The following FNIP2 variants were observed in gnomAD, a reference collection of about 807,000 sequenced individuals.
The protein encoded by FNIP2 is folliculin interacting protein 2.
FNIP2 carries 32 observed loss-of-function variants against 108.7 expected under a neutral mutation model. The ratio of observed to expected loss-of-function variants is 0.29; its 90% CI spans 0.22 to 0.40. The LOEUF (loss-of-function observed/expected upper bound fraction) is 0.40. Ranked by LOEUF, FNIP2 falls within the 10% of genes least tolerant of loss-of-function variation. FNIP2 has a pLI of 1.00. For missense variants in FNIP2, 1,202 were observed against 1,381.6 expected (o/e 0.87, Z 2.06); for synonymous variants, 480 against 496.7 (o/e 0.97, Z 0.45).
At chr4:158,895,702 C>T (rs1377939075) in intron 15 of FNIP2, 48 bp from the exon 16 acceptor site, 2 of 1,156,492 alleles carry the variant, frequency 1.7e-6, no homozygotes, top group Admixed American at 1.9e-5. Context: ...AAAATATTGG[C>T]AGAGATTTGA....
chr4:158,798,998 A>C (rs1330103904), intron 1 of FNIP2, among the ~76,000 whole-genome samples: 1 of 152,266 alleles, frequency 6.6e-6, no homozygotes, highest in Non-Finnish European at 1.5e-5. Context: ...TCACAAAAAC[A>C]TTCCTTTCCA....
intron 12 of FNIP2, among the ~76,000 whole-genome samples, chr4:158,866,499 T>C (rs1578939779): frequency 2.6e-5 from 4 of 151,802 alleles, no homozygotes. Flanking sequence ...ATTACAGGTG[T>C]GAGCCACCGT....
At chr4:158,795,130 A>G (rs1464499276) in intron 1 of FNIP2, among the ~76,000 whole-genome samples, 1 of 152,258 alleles carries the variant, frequency 6.6e-6, no homozygotes, top group Non-Finnish European at 1.5e-5. Context: ...AAATGCAGTC[A>G]TATTTTTAAA....
intron 1 of FNIP2, among the ~76,000 whole-genome samples, chr4:158,809,378 G>C (rs1777146671): frequency 1.3e-5 from 2 of 152,224 alleles, no homozygotes; most frequent in South Asian, 4.1e-4. Context: ...ATAATCACTT[G>C]AACCTGGGAT....
rs757570090 is a variant in FNIP2, at chr4:158,904,500, A to G, written c.3301A>G (p.Ile1101Val). 31 of 1,613,246 alleles carry G rather than the reference A, an allele frequency of 1.9e-5. 2 individuals are homozygous for G. In the South Asian group the frequency reaches 2.5e-4, roughly 13 times the overall value. ...ESNDLPLLTA[I>V]ASTHSPYVAQ... Reference sequence around the variant, plus strand: ...CAACGACCTGCCTCTGTTGACTGCTATTGCCAGTACTCATTCTCCTTATGT... The same window carrying G: ...CAACGACCTGCCTCTGTTGACTGCTGTTGCCAGTACTCATTCTCCTTATGT... Residue 1101 changes from isoleucine (I) to valine (V), a missense_variant, in exon 17 of 17, where the codon ATT (isoleucine) becomes GTT (valine). Around this residue, in one of 5 missense-constraint regions of FNIP2, gnomAD observed 142 missense variants for 183.8 expected, o/e 0.77. Transcript: ENST00000264433.
In FNIP2 at chr4:158,861,706, G is replaced by A. The variant is rs1249780653; in HGVS notation, c.1395G>A (p.Glu465=). 6.2e-7 allele frequency: 1 copy of A among 1,613,906 alleles called. No individual in the cohort carries two copies. Among genetic ancestry groups the A allele is most frequent in the East Asian group, 2.2e-5 (1 of 44,902 alleles). ...ACCCTCCCATCAAAGCCTTCTCAGA[G>A]AAACGTACCTCCCAGTCAGTGAACA... ...VDHPPIKAFS[E]KRTSQSVNML... Residue 465 remains glutamate, a synonymous_variant, in exon 12 of 17, where the codon GAG becomes GAA. Coordinates refer to ENST00000264433, the MANE Select transcript of FNIP2 (RefSeq NM_020840.3).
intron 1 of FNIP2, among the ~76,000 whole-genome samples, chr4:158,784,349 C>G (rs1051230192): frequency 6.6e-6 from 1 of 152,176 alleles, no homozygotes. Context: ...GCATGCTGCT[C>G]CCTTTAAACC....
chr4:158,875,539 T>TATATATATATATATATATATATATATGC, intron 14 of FNIP2, among the ~76,000 whole-genome samples: 1 of 144,196 alleles, frequency 6.9e-6, no homozygotes, highest in African/African-American at 2.7e-5. Flanking sequence ...TATATATATA[T>TATATATATATATATATATATATATATGC]ATGCTCATGA....
Position 158,847,933 on chromosome 4 carries a change from A to C in FNIP2, c.728-3388A>C, listed in dbSNP as rs569711265. Among the ~76,000 whole-genome samples the C allele has an allele frequency of 7.9e-5, 12 of 152,300 alleles. No individual in the cohort carries two copies. The East Asian group carries it at 2.3e-3, about 29-fold the overall frequency. ...TCTGCCTGGGGACAGGAGAGGGAAG[A>C]GTTGGAATGACTTTGTCTTGTGGCT... is the stretch of plus-strand genomic sequence containing the variant. On this transcript the variant is annotated intron_variant, in intron 7 of 16. Coordinates refer to ENST00000264433, the MANE Select transcript of FNIP2 (RefSeq NM_020840.3).
intron 15 of FNIP2, among the ~76,000 whole-genome samples, chr4:158,892,826 C>T (rs1241594372): frequency 6.6e-6 from 1 of 152,170 alleles, no homozygotes; most frequent in African/African-American, 2.4e-5. Flanking sequence ...ATGATGCAAA[C>T]CTGTTTACCC....
At chr4:158,883,245 T>G (rs1781799688) in intron 14 of FNIP2, among the ~76,000 whole-genome samples, 1 of 151,680 alleles carries the variant, frequency 6.6e-6, no homozygotes, top group Admixed American at 6.6e-5. Context: ...TGTTTTTTGT[T>G]TTTTTTGTTT....
chr4:158,796,491 G>A (rs1207679132), intron 1 of FNIP2, among the ~76,000 whole-genome samples: 1 of 152,106 alleles, frequency 6.6e-6, no homozygotes, highest in Non-Finnish European at 1.5e-5. Flanking sequence ...TATGTTTTTG[G>A]GGGAGGGAAG....
intron 1 of FNIP2, among the ~76,000 whole-genome samples, chr4:158,801,646 G>T (rs1336353126): frequency 6.6e-6 from 1 of 152,168 alleles, no homozygotes; most frequent in African/African-American, 2.4e-5. Flanking sequence ...ACTTCCTATG[G>T]TTAAATGAAA....
At chr4:158,857,987 T>C (rs1038037103) in intron 8 of FNIP2, among the ~76,000 whole-genome samples, 1 of 152,138 alleles carries the variant, frequency 6.6e-6, no homozygotes, top group Non-Finnish European at 1.5e-5. Flanking sequence ...TTCCTGACCA[T>C]AACACTTTTG....
chr4:158,873,357 T>TTTTTG (rs539723862), intron 14 of FNIP2, among the ~76,000 whole-genome samples: 4 of 152,222 alleles, frequency 2.6e-5, no homozygotes, highest in East Asian at 3.9e-4. Flanking sequence ...GTGGTGGTTT[T>TTTTTG]TTTTGTTTTG....
intron 1 of FNIP2, among the ~76,000 whole-genome samples, chr4:158,780,063 A>T (rs747569420): frequency 2.5e-4 from 38 of 151,990 alleles, no homozygotes; most frequent in Non-Finnish European, 4.7e-4. Context: ...AAATAAAAAA[A>T]AAACTAGCTA....
chr4:158,838,547 C>T (rs930505500), intron 7 of FNIP2, among the ~76,000 whole-genome samples: 2 of 152,002 alleles, frequency 1.3e-5, no homozygotes, highest in Non-Finnish European at 2.9e-5. Flanking sequence ...AACTTCCTGT[C>T]CAAATAGTTG....
At chr4:158,813,213 C>G (rs1777378128) in intron 1 of FNIP2, among the ~76,000 whole-genome samples, 1 of 152,102 alleles carries the variant, frequency 6.6e-6, no homozygotes, top group Non-Finnish European at 1.5e-5. Context: ...GGATAAATAA[C>G]AACAAGTCCC....
intron 7 of FNIP2, among the ~76,000 whole-genome samples, chr4:158,846,623 C>G (rs961198321): frequency 7.9e-5 from 12 of 152,070 alleles, no homozygotes; most frequent in African/African-American, 2.9e-4. Context: ...GGTTGTGATA[C>G]CTTTTCTCAC....
Sources: gnomAD v4.1 joint callset for allele counts (sites outside exome capture counted in the v4.1 genomes callset) on GRCh38, gnomAD v4.1.1 for gene constraint, gnomAD v4.1.1 regional missense constraint, MANE v1.5 for transcripts, NCBI Gene and HGNC (gene_info 2026-07-23, HGNC 2026-07-21) for gene names.